Variants in EIPR1 observed in about 807,000 individuals in gnomAD.
The protein encoded by EIPR1 is EARP complex and GARP complex interacting protein 1.
EIPR1 carries 25 observed loss-of-function variants against 48.1 expected under a neutral mutation model. That is an observed-to-expected ratio of 0.52 (90% confidence interval 0.38 to 0.73). EIPR1 has a LOEUF of 0.73. Among genes scored for constraint, EIPR1 ranks in the 30% least tolerant of loss-of-function variants. The pLI is 0.00. For missense variants in EIPR1, 415 were observed against 506.2 expected (o/e 0.82, Z 1.73); for synonymous variants, 204 against 201.9 (o/e 1.01, Z -0.09).
chr2:3,344,396 CA>C (rs1229937664), intron 2 of EIPR1, among the ~76,000 whole-genome samples: 1 of 152,230 alleles, frequency 6.6e-6, no homozygotes, highest in Non-Finnish European at 1.5e-5. Flanking sequence ...TCTGAAAACA[CA>C]GTTTCTACTC....
chr2:3,244,571 C>T (rs757051223), intron 4 of EIPR1, among the ~76,000 whole-genome samples: 4 of 152,182 alleles, frequency 2.6e-5, no homozygotes, highest in Non-Finnish European at 4.4e-5. Flanking sequence ...CCTTGGCAAA[C>T]AAAATCAGTG....
At chr2:3,279,500 G>A (rs1246588114) in intron 3 of EIPR1, among the ~76,000 whole-genome samples, 1 of 152,192 alleles carries the variant, frequency 6.6e-6, no homozygotes, top group East Asian at 1.9e-4. Flanking sequence ...CCTGGGCAAG[G>A]TGTCACTTAC....
chr2:3,354,489 G>T, intron 2 of EIPR1, 61 bp downstream of exon 2: 2 of 1,474,928 alleles, frequency 1.4e-6, no homozygotes, highest in South Asian at 1.2e-5. Flanking sequence ...AGAGCAAAAT[G>T]GTTATAAAAC....
chr2:3,281,552 G>A (rs968257250), intron 3 of EIPR1, among the ~76,000 whole-genome samples: 10 of 152,092 alleles, frequency 6.6e-5, no homozygotes, highest in Non-Finnish European at 1.0e-4. Flanking sequence ...TTTAGTCAGC[G>A]GCTCCAAAAA....
intron 1 of EIPR1, among the ~76,000 whole-genome samples, chr2:3,355,413 T>C (rs1389546280): frequency 6.6e-6 from 1 of 152,224 alleles, no homozygotes; most frequent in Admixed American, 6.5e-5. Flanking sequence ...GCCAGTGCTC[T>C]TAGGCTAGCC....
chr2:3,204,643 C>T (rs1572289710), intron 5 of EIPR1, among the ~76,000 whole-genome samples: 1 of 152,210 alleles, frequency 6.6e-6, no homozygotes, highest in Admixed American at 6.5e-5. Context: ...AAGAATACAC[C>T]TCCTAACGAG....
rs191834636 is a variant in EIPR1 at position 3,302,286 on chromosome 2, G to A, written c.259+35731C>T. Among the ~76,000 whole-genome samples the A allele has an allele frequency of 2.6e-4, 39 of 152,262 alleles. No homozygotes were observed. The East Asian group carries it at 7.5e-3, about 29-fold the overall frequency. On this transcript the variant is annotated intron_variant, in intron 3 of 8. Coordinates refer to ENST00000382125, the MANE Select transcript of EIPR1 (RefSeq NM_003310.5). ...TCAGAGTCACCGCCTGATATTCTGT[G>A]GTTCTGGTGAAGCCTGGGCAGCACA...
chr2:3,294,666 A>T (rs1668481053), intron 3 of EIPR1, among the ~76,000 whole-genome samples: 1 of 118,138 alleles, frequency 8.5e-6, no homozygotes, highest in African/African-American at 3.4e-5. Context: ...CACACCCTCC[A>T]TCCAGCCCGT....
intron 3 of EIPR1, among the ~76,000 whole-genome samples, chr2:3,268,270 T>G (rs1031439882): frequency 6.6e-6 from 1 of 152,222 alleles, no homozygotes; most frequent in Non-Finnish European, 1.5e-5. Context: ...GGGGCCTATC[T>G]GCACCCTGTC....
intron 4 of EIPR1, 119 bp downstream of exon 4, chr2:3,257,180 A>C: frequency 8.7e-7 from 1 of 1,154,436 alleles, no homozygotes; most frequent in East Asian, 2.7e-5. Flanking sequence ...GCAGCTTTTT[A>C]AAAGAAAGGA....
intron 3 of EIPR1, among the ~76,000 whole-genome samples, chr2:3,334,714 T>G (rs1313019913): frequency 1.3e-5 from 2 of 152,280 alleles, no homozygotes; most frequent in South Asian, 2.1e-4. Flanking sequence ...CTGTGGGATG[T>G]AAATCTCAGT....
intron 3 of EIPR1, among the ~76,000 whole-genome samples, chr2:3,295,973 G>GCA (rs1668568734): frequency 3.4e-4 from 9 of 26,650 alleles, no homozygotes; most frequent in Admixed American, 8.4e-4. Context: ...TCCTCTCTCT[G>GCA]CACACACACC....
Position 3,214,213 on chromosome 2 carries a change from A to C in EIPR1, c.452T>G (p.Ile151Ser), listed in dbSNP as rs201879413. The C allele has an allele frequency of 6.2e-7, 1 of 1,613,658 alleles. No homozygotes were observed. Among genetic ancestry groups the C allele is most frequent in the Non-Finnish European group, 8.5e-7 (1 of 1,179,880 alleles). Residue 151 changes from isoleucine to serine, a missense_variant, in exon 5 of 9, where the codon ATC becomes AGC. Coordinates refer to ENST00000382125, the MANE Select transcript of EIPR1 (RefSeq NM_003310.5). Reference sequence around the variant, plus strand: ...GATATGGTTATCAGCCAAGGAAATGATTTTCTTCCCATCTCCCATTGGCTC... The same window carrying C: ...GATATGGTTATCAGCCAAGGAAATGCTTTTCTTCCCATCTCCCATTGGCTC... ...VWEPMGDGKK[I>S]ISLADNHILL... is the part of the protein sequence containing the mutation.
chr2:3,218,844 G>T (rs1395678062), intron 4 of EIPR1, among the ~76,000 whole-genome samples: 1 of 147,804 alleles, frequency 6.8e-6, no homozygotes, highest in Non-Finnish European at 1.5e-5. Context: ...AGTGAGTCAG[G>T]TGCACACCCA....
intron 3 of EIPR1, among the ~76,000 whole-genome samples, chr2:3,272,069 T>C (rs1667716633): frequency 6.6e-6 from 1 of 152,232 alleles, no homozygotes. Flanking sequence ...TCCAACCTCG[T>C]GAACCAACCT....
chr2:3,338,721 C>T (rs1233241190), intron 2 of EIPR1, among the ~76,000 whole-genome samples: 2 of 152,160 alleles, frequency 1.3e-5, no homozygotes, highest in African/African-American at 4.8e-5. Context: ...AGTCCAACAG[C>T]CGTTGGTGTC....
At chr2:3,307,241 T>C (rs1216208637) in intron 3 of EIPR1, among the ~76,000 whole-genome samples, 1 of 152,078 alleles carries the variant, frequency 6.6e-6, no homozygotes, top group African/African-American at 2.4e-5. Flanking sequence ...GGATTACAGG[T>C]GTGAGCCACT....
intron 3 of EIPR1, among the ~76,000 whole-genome samples, chr2:3,323,750 C>T (rs1240552359): frequency 2.6e-5 from 4 of 152,212 alleles, no homozygotes; most frequent in Non-Finnish European, 4.4e-5. Flanking sequence ...CTCCAGGCAA[C>T]CTCTATGAAC....
At chr2:3,322,877 C>A (rs375597249) in intron 3 of EIPR1, among the ~76,000 whole-genome samples, 1 of 152,230 alleles carries the variant, frequency 6.6e-6, no homozygotes, top group East Asian at 1.9e-4. Flanking sequence ...GGGCCCTGTC[C>A]CATCAGCACC....
Sources: gnomAD v4.1 joint callset for allele counts (sites outside exome capture counted in the v4.1 genomes callset) on GRCh38, gnomAD v4.1.1 for gene constraint, MANE v1.5 for transcripts, NCBI Gene and HGNC (gene_info 2026-07-23, HGNC 2026-07-21) for gene names.